Variants in ACOT8 observed in about 807,000 individuals in gnomAD.
ACOT8 encodes acyl-coenzyme A thioesterase 8.
A neutral mutation model predicts 38.4 loss-of-function variants in ACOT8; 31 were observed. The observed-to-expected ratio is 0.81, with a 90% CI of 0.61 to 1.09. The LOEUF is 1.09. Among genes scored for constraint, ACOT8 ranks in the 50% least tolerant of loss-of-function variants. The pLI is 0.00. For missense variants in ACOT8, 373 were observed against 421.8 expected (o/e 0.88, Z 1.01); for synonymous variants, 158 against 170.3 (o/e 0.93, Z 0.56).
At position 45,855,161 on chromosome 20, in the gene ACOT8, G is replaced by T; in HGVS notation, c.260C>A (p.Ala87Glu). The T allele has an allele frequency of 1.2e-6, 2 of 1,613,880 alleles. No homozygotes were observed. Among genetic ancestry groups the T allele is most frequent in the Non-Finnish European group, 1.7e-6 (2 of 1,179,904 alleles). The change falls in exon 2 of 6, where the codon GCA becomes GAA. Residue 87 changes from alanine (A) to glutamate (E), a missense_variant and splice_region_variant. Ala to Glu is a moderately radical substitution (Grantham distance 107). Coordinates refer to ENST00000217455, the MANE Select transcript of ACOT8 (RefSeq NM_005469.4). ...GGGGCAGGAAGTGGGGGGTTTACCTGCCCGAACAAAGTAGCAGTGCAGGGA... is the reference window on the plus strand; with the variant it reads ...GGGGCAGGAAGTGGGGGGTTTACCTTCCCGAACAAAGTAGCAGTGCAGGGA... ...VHSLHCYFVR[A>E]GDPKLPVLYQ...
chr20:45,842,411 T>C, intron 5 of ACOT8: 1 of 1,172,716 alleles, frequency 8.5e-7, no homozygotes, highest in Non-Finnish European at 1.1e-6. Context: ...CTCTGACCAC[T>C]TGTGTTAGGA....
chr20:45,855,192 C>G lies in ACOT8; in HGVS notation c.229G>C (p.Val77Leu). 7.4e-6 allele frequency: 12 copies of G among 1,614,140 alleles called. No homozygotes were observed. The highest frequency in any genetic ancestry group is 9.3e-6 in the Non-Finnish European group (11 of 1,180,024). ...ACAAAGTAGCAGTGCAGGGAGTGCACGTGGACGTCTTCACTCACAGACTTG... is the reference window on the plus strand; with the variant it reads ...ACAAAGTAGCAGTGCAGGGAGTGCAGGTGGACGTCTTCACTCACAGACTTG... ...AAKSVSEDVH[V>L]HSLHCYFVRA... The change falls in exon 2 of 6, where the codon GTG becomes CTG. Residue 77 changes from valine (V) to leucine (L), a missense_variant. Coordinates refer to ENST00000217455, the MANE Select transcript of ACOT8 (RefSeq NM_005469.4).
chr20:45,849,452 A>ATT (rs58429995), intron 2 of ACOT8, among the ~76,000 whole-genome samples: 7 of 127,782 alleles, frequency 5.5e-5, no homozygotes, highest in African/African-American at 5.7e-5. Context: ...TACCCAGCTA[A>ATT]TTTTTTTTTT....
Position 45,848,502 on chromosome 20 carries a change from G to A in ACOT8, c.436C>T (p.Pro146Ser). 1.2e-6 allele frequency: 2 copies of A among 1,612,964 alleles called. No homozygotes were observed. Among genetic ancestry groups the A allele is most frequent in the African/African-American group, 1.3e-5 (1 of 75,008 alleles). Residue 146 changes from proline (P) to serine (S), a missense_variant, in exon 3 of 6, where the codon CCA becomes TCA. Transcript: ENST00000217455. ...CAGTCAAGCAGCTCTTCTGGTGGTG[G>A]CACAGTGGGCATGGAGAACTGGTGC... ...MQHQFSMPTVPPPEELLDCET... is the reference protein window; with the variant it reads ...MQHQFSMPTVSPPEELLDCET...
At chr20:45,843,166 G>A (rs2096131464) in intron 5 of ACOT8, 10 of 606,180 alleles carry the variant, frequency 1.6e-5, no homozygotes, top group Non-Finnish European at 2.2e-5. Flanking sequence ...CTGATGGACT[G>A]CGGGTTTGGA....
At chr20:45,855,057 G>C in intron 2 of ACOT8, 102 bp downstream of exon 2, 2 of 1,509,116 alleles carry the variant, frequency 1.3e-6, no homozygotes, top group East Asian at 2.3e-5. Context: ...CCCTCCCCTT[G>C]TCTTCCAGTC....
chr20:45,849,291 T>G (rs1229008288), intron 2 of ACOT8, among the ~76,000 whole-genome samples: 1 of 152,134 alleles, frequency 6.6e-6, no homozygotes, highest in Non-Finnish European at 1.5e-5. Context: ...TTGTTCTTTT[T>G]TTTGTTTGTT....
Position 45,844,302 on chromosome 20 carries a change from G to A in ACOT8, c.607C>T (p.Pro203Ser). The A allele has an allele frequency of 6.2e-7, 1 of 1,614,198 alleles. No individual in the cohort carries two copies. Among genetic ancestry groups the A allele is most frequent in the Non-Finnish European group, 8.5e-7 (1 of 1,180,038 alleles). Residue 203 changes from proline to serine, a missense_variant, in exon 4 of 6, where the codon CCC becomes TCC. Transcript: ENST00000217455. ...SPLSQLQRME[P>S]KQMFWVRARG... ...GCTCGCACCCAGAACATCTGTTTGG[G>A]CTCCATTCTCTGCAGCTGGCTCAGG...
rs963712422 is a variant in ACOT8 at position 45,842,770 on chromosome 20, AC to A, written c.841+756del. 2.0e-4 allele frequency: 195 copies of A among 989,796 alleles called. 1 individual carries two copies. Among genetic ancestry groups the A allele is most frequent in the Admixed American group, 1.2e-3 (20 of 17,338 alleles). 61.3% of individuals were successfully genotyped at this position (989,796 alleles called of 1,614,324 possible). On this transcript the variant is annotated intron_variant, in intron 5 of 5. Coordinates refer to ENST00000217455, the MANE Select transcript of ACOT8 (RefSeq NM_005469.4). ...GGCCCCATGATGAAGCCAAATCTGA[AC>A]CCATGTCCTCACTTCAAGGTTATCA... is the stretch of plus-strand genomic sequence containing the variant.
At position 45,853,754 on chromosome 20, in the gene ACOT8, T is replaced by C. The variant is rs887575748; in HGVS notation, c.262+1405A>G. The C allele has an allele frequency of 5.2e-5, 20 of 381,302 alleles. No homozygotes were observed. In the East Asian group the frequency reaches 6.8e-4, roughly 13 times the overall value. The allele number at this position is 381,302 out of a possible 1,614,324, so 23.6% of individuals were successfully genotyped here. On this transcript the variant is annotated intron_variant, in intron 2 of 5. Coordinates refer to ENST00000217455, the MANE Select transcript of ACOT8 (RefSeq NM_005469.4). ...CCAAGGTAAGTATTCAAATACTTTA[T>C]AGCAGTGACTGGGGGCCGAGAAGAG...
At chr20:45,842,265 A>G in intron 5 of ACOT8, 1 of 1,431,184 alleles carries the variant, frequency 7.0e-7, no homozygotes, top group Admixed American at 2.9e-5. Context: ...ATTGAGGGGT[A>G]ACTCCTCCCA....
At position 45,844,343 on chromosome 20, in the gene ACOT8, G is replaced by A. The variant is rs1458447985; in HGVS notation, c.566C>T (p.Pro189Leu). The A allele has an allele frequency of 1.4e-5, 22 of 1,614,144 alleles. No individual in the cohort carries two copies. The South Asian group carries it at 2.2e-4, about 16-fold the overall frequency. The change falls in exon 4 of 6, where the codon CCA becomes CTA. Residue 189 changes from proline (P) to leucine (L), a missense_variant. By Grantham distance (98) the Pro-to-Leu change is moderately conservative. Transcript: ENST00000217455. ...CTGGCTCAGGGGGGATGGGTTTACT[G>A]GCTTGATCTCAATGGGGACCTCCTG... ...AAQEVPIEIK[P>L]VNPSPLSQLQ...
chr20:45,843,992 T>C lies in ACOT8; in HGVS notation c.646+271A>G, dbSNP rs547643113. 5.0e-5 allele frequency: 39 copies of C among 787,100 alleles called. No homozygotes were observed. The East Asian group carries it at 1.1e-3, about 21-fold the overall frequency. 48.8% of individuals were successfully genotyped at this position (787,100 alleles called of 1,614,324 possible). ...TGTCTTCTTCCAATTTGCACAAAGATACTTTATAGTTAGCAGCAAAGCTGG... is the reference window on the plus strand; with the variant it reads ...TGTCTTCTTCCAATTTGCACAAAGACACTTTATAGTTAGCAGCAAAGCTGG... On this transcript the variant is annotated intron_variant, in intron 4 of 5. Coordinates refer to ENST00000217455, the MANE Select transcript of ACOT8 (RefSeq NM_005469.4).
In ACOT8 at chr20:45,848,691, G is replaced by A. The variant is rs1265186506; in HGVS notation, c.263-16C>T. 3 of 1,585,666 alleles carry A rather than the reference G, an allele frequency of 1.9e-6. No individual in the cohort carries two copies. The highest frequency in any genetic ancestry group is 2.6e-6 in the Non-Finnish European group (3 of 1,162,748). ...TTCGGGTCCCCTGCAGTGGGCACAA[G>A]GACACAGTGGGTCCACAGGCCCTGT... On this transcript the variant is annotated splice_polypyrimidine_tract_variant and intron_variant, in intron 2 of 5. Coordinates refer to ENST00000217455, the MANE Select transcript of ACOT8 (RefSeq NM_005469.4).
At chr20:45,849,743 G>T (rs189023960) in intron 2 of ACOT8, among the ~76,000 whole-genome samples, 1 of 152,144 alleles carries the variant, frequency 6.6e-6, no homozygotes, top group Admixed American at 6.5e-5. Flanking sequence ...GAGCCACTGC[G>T]CCCAGCCAAT....
chr20:45,845,981 G>T (rs1171083270), intron 3 of ACOT8, among the ~76,000 whole-genome samples: 3 of 151,912 alleles, frequency 2.0e-5, no homozygotes, highest in African/African-American at 7.3e-5. Context: ...ACAGGCACGG[G>T]CCACCACGCC....
At chr20:45,855,092 GC>G (rs1337963830) in intron 2 of ACOT8, 66 bp downstream of exon 2, 12 of 1,590,066 alleles carry the variant, frequency 7.5e-6, no homozygotes, top group Non-Finnish European at 9.4e-6. Flanking sequence ...TTTGACCTCA[GC>G]CCCCAAGGCC....
chr20:45,853,734 G>C (rs1055854057), intron 2 of ACOT8: 1 of 299,098 alleles, frequency 3.3e-6, no homozygotes, highest in African/African-American at 2.2e-5. Context: ...TGAGCCCAAG[G>C]TAAGTATTCA....
At chr20:45,842,967 C>A in intron 5 of ACOT8, 5 of 1,015,428 alleles carry the variant, frequency 4.9e-6, no homozygotes, top group Non-Finnish European at 4.7e-6. Flanking sequence ...AGTCTTGTTT[C>A]TCTCCCCTGC....
Sources: gnomAD v4.1 joint callset for allele counts (sites outside exome capture counted in the v4.1 genomes callset) on GRCh38, gnomAD v4.1.1 for gene constraint, MANE v1.5 for transcripts, NCBI Gene and HGNC (gene_info 2026-07-23, HGNC 2026-07-21) for gene names.